Variants in FRAS1 observed in about 807,000 individuals in gnomAD.
The protein encoded by FRAS1 is extracellular matrix organizing protein FRAS1.
A neutral mutation model predicts 435.2 loss-of-function variants in FRAS1; 290 were observed. The ratio of observed to expected loss-of-function variants is 0.67; its 90% CI spans 0.61 to 0.73. The LOEUF (loss-of-function observed/expected upper bound fraction) is 0.73. Among genes scored for constraint, FRAS1 ranks in the 30% least tolerant of loss-of-function variants. FRAS1 has a pLI of 0.00. For missense variants in FRAS1, 4,860 were observed against 5,001.5 expected, an observed-to-expected ratio of 0.97 and a Z score of 0.85; for synonymous variants, 1,800 against 1,851.0, an observed-to-expected ratio of 0.97 and a Z score of 0.71.
intron 53 of FRAS1, among the ~76,000 whole-genome samples, chr4:78,475,163 C>T (rs191194246): frequency 2.0e-3 from 304 of 152,270 alleles, no homozygotes; most frequent in African/African-American, 5.0e-3. Context: ...GTTCATTGCT[C>T]CTATGTGCTG....
chr4:78,429,127 G>T lies in FRAS1; in HGVS notation c.4744G>T (p.Val1582Phe). ...SDGEHTSPEM[V>F]LTIHLLPSDQ... The stretch of plus-strand genomic sequence containing the variant: ...TGGAGAACACACAAGTCCGGAGATG[G>T]TCCTCACCATTCACTTACTTCCCAG... The change falls in exon 36 of 74, where the codon GTC (valine) becomes TTC (phenylalanine). Residue 1582 changes from valine to phenylalanine, a missense_variant. By Grantham distance (50) the Val-to-Phe change is conservative. Coordinates refer to ENST00000512123, the MANE Select transcript of FRAS1 (RefSeq NM_025074.7). The T allele has an allele frequency of 1.3e-6, 2 of 1,568,296 alleles. No individual in the cohort carries two copies. Among genetic ancestry groups the T allele is most frequent in the East Asian group, 2.4e-5 (1 of 42,244 alleles).
chr4:78,336,161 G>T (rs572666181), intron 19 of FRAS1, among the ~76,000 whole-genome samples: 8 of 152,082 alleles, frequency 5.3e-5, no homozygotes, highest in Non-Finnish European at 1.2e-4. Context: ...GATGATTGAA[G>T]ATCAATATTA....
rs1338436624 is a variant in FRAS1 at position 78,496,858 on chromosome 4, A to G, written c.9012A>G (p.Glu3004=). ...ATGACTCCATGTTTGAGCCAGAGGA[A>G]CAGTTCAGGGTCTACCTCGGCCTTC... ...IHDDSMFEPE[E]QFRVYLGLPL... Residue 3004 remains glutamate, a synonymous_variant, in exon 60 of 74, where the codon GAA becomes GAG. Coordinates refer to ENST00000512123, the MANE Select transcript of FRAS1 (RefSeq NM_025074.7). The G allele has an allele frequency of 6.2e-7, 1 of 1,613,848 alleles. No homozygotes were observed. The highest frequency in any genetic ancestry group is 8.5e-7 in the Non-Finnish European group (1 of 1,179,772).
chr4:78,228,594 A>G (rs1724373005), intron 2 of FRAS1, among the ~76,000 whole-genome samples: 1 of 152,176 alleles, frequency 6.6e-6, no homozygotes, highest in South Asian at 2.1e-4. Context: ...GTACTACTCT[A>G]GAAGTATAGT....
chr4:78,123,113 T>C lies in FRAS1; in HGVS notation c.108+57097T>C, dbSNP rs754972545. ...TCTAGGATTTTTATGGTCCTAGGTC[T>C]TACGTTTAAGTCTTTGATCCATGTT... is the stretch of plus-strand genomic sequence containing the variant. On this transcript the variant is annotated intron_variant, in intron 2 of 73. Transcript: ENST00000512123. Among the ~76,000 whole-genome samples the C allele has an allele frequency of 3.9e-5, 6 of 152,370 alleles. No homozygotes were observed. In the East Asian group the frequency reaches 1.2e-3, roughly 29 times the overall value.
At chr4:78,409,313 A>G (rs1733239910) in intron 31 of FRAS1, among the ~76,000 whole-genome samples, 1 of 152,066 alleles carries the variant, frequency 6.6e-6, no homozygotes, top group South Asian at 2.1e-4. Context: ...AAAACAGCAA[A>G]CACTTAAGAA....
In FRAS1 at chr4:78,374,144, C is replaced by T. The variant is rs1314487407; in HGVS notation, c.3044C>T (p.Pro1015Leu). 10 of 1,604,676 alleles carry T rather than the reference C, an allele frequency of 6.2e-6. No homozygotes were observed. The highest frequency in any genetic ancestry group is 3.3e-4 in the Middle Eastern group (2 of 6,038). The change falls in exon 25 of 74, where the codon CCC becomes CTC. Residue 1015 changes from proline to leucine, a missense_variant. Coordinates refer to ENST00000512123, the MANE Select transcript of FRAS1 (RefSeq NM_025074.7). ...AGCTACTGTCTCCAGTGCCAAGGTC[C>T]CCATGAGTGTACCCGCTGCAAAGGG... is the stretch of plus-strand genomic sequence containing the variant. ...CDSYCLQCQG[P>L]HECTRCKGPF...
chr4:78,469,609 T>G, intron 50 of FRAS1, among the ~76,000 whole-genome samples: 1 of 147,156 alleles, frequency 6.8e-6, no homozygotes, highest in South Asian at 2.3e-4. Context: ...TTTAACACGG[T>G]TTATTGAAAG....
chr4:78,309,039 A>G (rs1250738033), intron 15 of FRAS1, among the ~76,000 whole-genome samples: 7 of 152,214 alleles, frequency 4.6e-5, no homozygotes, highest in African/African-American at 1.4e-4. Context: ...ATCAATCACA[A>G]GAGTCCTTAT....
intron 20 of FRAS1, among the ~76,000 whole-genome samples, chr4:78,340,805 C>T (rs1285698762): frequency 2.0e-5 from 3 of 152,200 alleles, no homozygotes; most frequent in African/African-American, 7.2e-5. Flanking sequence ...CTCCTCTTTG[C>T]ACATGTGCCC....
At chr4:78,372,505 A>AT (rs1731554827) in intron 23 of FRAS1, among the ~76,000 whole-genome samples, 2 of 152,178 alleles carry the variant, frequency 1.3e-5, no homozygotes, top group Non-Finnish European at 2.9e-5. Flanking sequence ...CTCCTTGTAC[A>AT]TGTCCGTGTC....
chr4:78,483,767 A>ACTCT (rs148245140), intron 58 of FRAS1, among the ~76,000 whole-genome samples: 10 of 110,322 alleles, frequency 9.1e-5, no homozygotes, highest in Admixed American at 2.0e-4. Flanking sequence ...GAAAAAAAAA[A>ACTCT]CTCTCTCTCT....
At chr4:78,130,123 T>C (rs887378896) in intron 2 of FRAS1, among the ~76,000 whole-genome samples, 2 of 152,194 alleles carry the variant, frequency 1.3e-5, no homozygotes, top group African/African-American at 4.8e-5. Context: ...AATCTCTCCT[T>C]GCTCTTCCTC....
chr4:78,096,168 G>C (rs1337509169), intron 2 of FRAS1, among the ~76,000 whole-genome samples: 3 of 152,354 alleles, frequency 2.0e-5, no homozygotes, highest in African/African-American at 7.2e-5. Flanking sequence ...CAGCAGGGCA[G>C]TCAAATTTTA....
At chr4:78,493,937 T>A (rs910535791) in intron 59 of FRAS1, among the ~76,000 whole-genome samples, 2 of 152,216 alleles carry the variant, frequency 1.3e-5, no homozygotes, top group Admixed American at 6.5e-5. Flanking sequence ...TTTCAGATGG[T>A]TGAGTCAGTT....
chr4:78,460,030 C>A (rs578217030), intron 47 of FRAS1, among the ~76,000 whole-genome samples: 1 of 152,200 alleles, frequency 6.6e-6, no homozygotes, highest in East Asian at 1.9e-4. Flanking sequence ...GGAAAGGGTG[C>A]AATTCAACCC....
rs1206492861 is a variant in FRAS1, at chr4:78,057,982, C to A, written c.-28C>A. On this transcript the variant is annotated 5_prime_UTR_variant, in exon 1 of 74. Transcript: ENST00000512123. The surrounding 1 kb of genome is among the most constrained non-coding windows in gnomAD (Gnocchi z 4.2). ...CGCTTCTTGGATGCTGAAGGCTGGG[C>A]TCCTCCATCGTGGGTGCCGAGGCGG... The A allele has an allele frequency of 1.2e-6, 2 of 1,608,964 alleles. No individual in the cohort carries two copies. Among genetic ancestry groups the A allele is most frequent in the Admixed American group, 1.7e-5 (1 of 59,972 alleles).
chr4:78,182,226 G>T (rs140801991), intron 2 of FRAS1, among the ~76,000 whole-genome samples: 10 of 152,342 alleles, frequency 6.6e-5, no homozygotes, highest in Non-Finnish European at 1.5e-4. Flanking sequence ...AGCTCAGGAT[G>T]CCATGAAAGT....
In FRAS1 at chr4:78,312,271, C is replaced by T. The variant is rs199704852; in HGVS notation, c.1679-3323C>T. The stretch of plus-strand genomic sequence containing the variant: ...GTTTTCCCAACATTGTTTAGTAATT[C>T]AGCCTAGCCTTCCTTATTTCTCTTT... On this transcript the variant is annotated intron_variant, in intron 15 of 73. Transcript: ENST00000512123. 2.1e-4 allele frequency among the ~76,000 whole-genome samples: 31 copies of T among 149,890 alleles called. No homozygotes were observed. The East Asian group carries it at 6.0e-3, about 29-fold the overall frequency.
Sources: gnomAD v4.1 joint callset for allele counts (sites outside exome capture counted in the v4.1 genomes callset) on GRCh38, gnomAD v4.1.1 for gene constraint, Gnocchi (gnomAD v3.1) non-coding constraint, MANE v1.5 for transcripts, NCBI Gene and HGNC (gene_info 2026-07-23, HGNC 2026-07-21) for gene names.